The following ZDHHC16 variants were observed in gnomAD, a reference collection of about 807,000 sequenced individuals.
ZDHHC16 encodes the protein palmitoyltransferase ZDHHC16.
A neutral mutation model predicts 54.4 loss-of-function variants in ZDHHC16; 33 were observed. The ratio of observed to expected loss-of-function variants is 0.61; its 90% CI spans 0.46 to 0.81. The LOEUF is 0.81. Ranked by LOEUF, ZDHHC16 falls within the 30% of genes least tolerant of loss-of-function variation. ZDHHC16 has a pLI of 0.00. For synonymous variants in ZDHHC16, 185 were observed against 182.1 expected, an observed-to-expected ratio of 1.02 and a Z score of -0.13; for missense variants, 420 against 485.9, an observed-to-expected ratio of 0.86 and a Z score of 1.28.
chr10:97,455,866 C>G, intron 10 of ZDHHC16, 83 bp downstream of exon 10: 1 of 1,601,668 alleles, frequency 6.2e-7, no homozygotes, highest in Non-Finnish European at 8.5e-7. Flanking sequence ...GCAGGGCTGA[C>G]TAGGGCAAGC....
intron 8 of ZDHHC16, 43 bp from the exon 9 acceptor site, chr10:97,454,671 C>A (rs779812797): frequency 1.3e-6 from 2 of 1,564,556 alleles, no homozygotes; most frequent in Non-Finnish European, 1.8e-6. Flanking sequence ...TTGCTGGAGA[C>A]CCACAGAGCA....
intron 11 of ZDHHC16, 138 bp from the exon 12 acceptor site, chr10:97,456,639 A>G (rs1331922018): frequency 6.5e-6 from 4 of 617,464 alleles, no homozygotes; most frequent in Non-Finnish European, 1.1e-5. Context: ...ATTGGGTAGC[A>G]GAAATTAGAA....
At chr10:97,447,846 C>T (rs891878489) in intron 1 of ZDHHC16, among the ~76,000 whole-genome samples, 1 of 152,060 alleles carries the variant, frequency 6.6e-6, no homozygotes, top group African/African-American at 2.4e-5. Flanking sequence ...TTGCTTGAAC[C>T]CAGGAGGCGG....
intron 9 of ZDHHC16, among the ~76,000 whole-genome samples, chr10:97,455,090 T>C (rs1340109824): frequency 6.6e-6 from 1 of 152,220 alleles, no homozygotes; most frequent in Non-Finnish European, 1.5e-5. Flanking sequence ...ACTGTATTTA[T>C]AGATGAGGAA....
chr10:97,455,469 C>CT, intron 9 of ZDHHC16, 191 bp from the exon 10 acceptor site: 1 of 1,001,902 alleles, frequency 1.0e-6, no homozygotes, highest in Non-Finnish European at 1.5e-6. Flanking sequence ...TCTTAGGCCA[C>CT]TTTGATGCTT....
In ZDHHC16 at chr10:97,452,243, T is replaced by C. The variant is rs762900911; in HGVS notation, c.397T>C (p.Tyr133His). Residue 133 changes from tyrosine (Y) to histidine (H), a missense_variant, in exon 4 of 12, where the codon TAC becomes CAC. Physicochemically the swap from Tyr to His is moderately conservative, Grantham distance 83 (BLOSUM62 2). Transcript: ENST00000393760. The stretch of plus-strand genomic sequence containing the variant: ...GAATCTGATCCTGATTGTCTTCCAC[T>C]ACTACCAGGCCATCACCACTCCGCC... The part of the protein sequence containing the change: ...HWNLILIVFH[Y>H]YQAITTPPGY... The C allele has an allele frequency of 1.9e-6, 3 of 1,614,158 alleles. No homozygotes were observed.
In ZDHHC16 at chr10:97,456,536, C is replaced by T. The variant is rs895017007; in HGVS notation, c.1020-241C>T. 1.5e-5 allele frequency: 6 copies of T among 394,420 alleles called. No individual in the cohort carries two copies. The Admixed American group carries it at 1.6e-4, about 11-fold the overall frequency. 24.4% of individuals were successfully genotyped at this position (394,420 alleles called of 1,614,324 possible). ...TCCTCCCTTTCCCATGTACATGACACTCCTATCACTGTGCTTACAGTGGAC... is the reference window on the plus strand; with the variant it reads ...TCCTCCCTTTCCCATGTACATGACATTCCTATCACTGTGCTTACAGTGGAC... On this transcript the variant is annotated intron_variant, in intron 11 of 11. Transcript: ENST00000393760.
intron 8 of ZDHHC16, among the ~76,000 whole-genome samples, chr10:97,454,153 G>T (rs1846938101): frequency 6.6e-6 from 1 of 152,142 alleles, no homozygotes; most frequent in African/African-American, 2.4e-5. Flanking sequence ...TGTGTAATGG[G>T]GTTCCAGGGG....
At chr10:97,450,302 A>G (rs940210696) in intron 1 of ZDHHC16, 55 bp from the exon 2 acceptor site, 1 of 151,882 alleles carries the variant, frequency 6.6e-6, no homozygotes, top group African/African-American at 2.4e-5. Context: ...GTTTCTTTTC[A>G]CCTTAGGGCT....
chr10:97,453,755 T>C, intron 7 of ZDHHC16, 44 bp from the exon 8 acceptor site: 6 of 1,614,224 alleles, frequency 3.7e-6, no homozygotes, highest in Non-Finnish European at 5.1e-6. Context: ...CACCCCATCC[T>C]AGAGGCCTGA....
intron 6 of ZDHHC16, among the ~76,000 whole-genome samples, chr10:97,453,221 C>T (rs2133218565): frequency 6.6e-6 from 1 of 152,276 alleles, no homozygotes; most frequent in East Asian, 1.9e-4. Flanking sequence ...CCGTGGGTCT[C>T]CAGCTGCTGT....
At chr10:97,449,954 C>G (rs1419661163) in intron 1 of ZDHHC16, among the ~76,000 whole-genome samples, 2 of 140,136 alleles carry the variant, frequency 1.4e-5, no homozygotes, top group Non-Finnish European at 3.0e-5. Flanking sequence ...TCACTGCAAG[C>G]TCCGCTTCCC....
chr10:97,449,861 CTTTT>C (rs35173837), intron 1 of ZDHHC16, among the ~76,000 whole-genome samples: 9 of 81,516 alleles, frequency 1.1e-4, no homozygotes, highest in African/African-American at 4.7e-4. Flanking sequence ...CCCCTTAATT[CTTTT>C]TTTTTTTTTT....
intron 9 of ZDHHC16, 92 bp downstream of exon 9, chr10:97,454,891 A>C: frequency 9.4e-7 from 1 of 1,059,252 alleles, no homozygotes; most frequent in Non-Finnish European, 1.4e-6. Context: ...TTCCTAAGTG[A>C]ACTGCCACTG....
At chr10:97,456,655 G>T in intron 11 of ZDHHC16, 122 bp from the exon 12 acceptor site, 1 of 673,938 alleles carries the variant, frequency 1.5e-6, no homozygotes, top group Non-Finnish European at 2.4e-6. Flanking sequence ...TAGAACTTTT[G>T]TTACTTTCAT....
Position 97,455,691 on chromosome 10 carries a change from G to A in ZDHHC16, c.856G>A (p.Val286Ile), listed in dbSNP as rs145945812. ...GGCACTTGCCCTGGGTGCCCTAACT[G>A]TATGGCATGCTGTTCTCATCAGTCG... is the stretch of plus-strand genomic sequence containing the variant. ...SVALALGALT[V>I]WHAVLISRGE... Residue 286 changes from valine (V) to isoleucine (I), a missense_variant, in exon 10 of 12, where the codon GTA (valine) becomes ATA (isoleucine). By Grantham distance (29) the Val-to-Ile change is conservative. Transcript: ENST00000393760. 1.2e-6 allele frequency: 2 copies of A among 1,614,074 alleles called. No homozygotes were observed. Among genetic ancestry groups the A allele is most frequent in the South Asian group, 1.1e-5 (1 of 91,088 alleles).
rs762580473 is a variant in ZDHHC16 at position 97,453,546 on chromosome 10, T to C, written c.573T>C (p.Cys191=). ...CCCAACCAGCCTGGCTAAACAATTG[T>C]GTGGGCCACTATAACCATCGGTACT... ...MDHHCPWLNN[C]VGHYNHRYFF... The change falls in exon 7 of 12, where the codon TGT becomes TGC. Residue 191 remains cysteine (C), a synonymous_variant. Coordinates refer to ENST00000393760, the MANE Select transcript of ZDHHC16 (RefSeq NM_198046.3). The C allele has an allele frequency of 7.4e-6, 12 of 1,614,194 alleles. No individual in the cohort carries two copies. The Middle Eastern group carries it at 8.2e-4, about 111-fold the overall frequency.
intron 5 of ZDHHC16, 78 bp downstream of exon 5, chr10:97,452,581 T>G (rs952004528): frequency 2.1e-6 from 3 of 1,458,242 alleles, no homozygotes; most frequent in Non-Finnish European, 2.8e-6. Flanking sequence ...ACCTTGAGTT[T>G]GCTAAGACAT....
intron 5 of ZDHHC16, 123 bp from the exon 6 acceptor site, chr10:97,452,772 G>T: frequency 7.5e-7 from 1 of 1,338,948 alleles, no homozygotes; most frequent in Non-Finnish European, 1.1e-6. Flanking sequence ...AGCAAGGCCT[G>T]GCTGTCTTCA....
Sources: gnomAD v4.1 joint callset for allele counts (sites outside exome capture counted in the v4.1 genomes callset) on GRCh38, gnomAD v4.1.1 for gene constraint, MANE v1.5 for transcripts, NCBI Gene and HGNC (gene_info 2026-07-23, HGNC 2026-07-21) for gene names.